The following CSMD1 variants were observed in gnomAD, a reference collection of about 807,000 sequenced individuals.
CSMD1 encodes the protein CUB and sushi domain-containing protein 1.
CSMD1 carries 213 observed loss-of-function variants against 417.5 expected under a neutral mutation model. The observed-to-expected ratio is 0.51, with a 90% CI of 0.46 to 0.57. The LOEUF is 0.57. Ranked by LOEUF, CSMD1 falls within the 20% of genes least tolerant of loss-of-function variation. The pLI is 0.00. For missense variants in CSMD1, 6,923 were observed against 4,529.7 expected (o/e 1.53, Z -15.17); for synonymous variants, 2,862 against 1,736.8 (o/e 1.65, Z -16.11).
At chr8:3,184,313 T>G (rs1821613574) in intron 36 of CSMD1, among the ~76,000 whole-genome samples, 1 of 152,202 alleles carries the variant, frequency 6.6e-6, no homozygotes, top group Admixed American at 6.5e-5. Flanking sequence ...GATAAACTAC[T>G]AACTCATTTT....
chr8:3,409,484 C>T lies in CSMD1; in HGVS notation c.1683G>A (p.Gly561=). 2 of 1,611,636 alleles carry T rather than the reference C, an allele frequency of 1.2e-6. No homozygotes were observed. Among genetic ancestry groups the T allele is most frequent in the South Asian group, 1.1e-5 (1 of 90,296 alleles). ...TCTGCTGACAGGTGATAACTCTCTC[C>T]CCCACCAGCTCAAAGGCCGCCGGGC... ...FECPAAFELV[G]ERVITCQQNN... The change falls in exon 13 of 70, where the codon GGG becomes GGA. Residue 561 remains glycine (G), a synonymous_variant. Transcript: ENST00000635120.
chr8:4,031,782 T>C (rs1290879958), intron 4 of CSMD1, 123 bp downstream of exon 4: 6 of 663,636 alleles, frequency 9.0e-6, no homozygotes, highest in Non-Finnish European at 1.4e-5. Flanking sequence ...CAGAATGAGC[T>C]GACATTGTAA....
At position 4,434,580 on chromosome 8, in the gene CSMD1, C is replaced by T. The variant is rs1798047211; in HGVS notation, c.303-14515G>A. On this transcript the variant is annotated intron_variant, in intron 2 of 69. Coordinates refer to ENST00000635120, the MANE Select transcript of CSMD1 (RefSeq NM_033225.6). The stretch of plus-strand genomic sequence containing the variant: ...AAACACAATAGAGGAGGAGGAAGTT[C>T]ATGTTACAGTCAATGAAGCTAATCC... 2.0e-5 allele frequency among the ~76,000 whole-genome samples: 3 copies of T among 152,298 alleles called. No homozygotes were observed. In the South Asian group the frequency reaches 6.2e-4, roughly 32 times the overall value.
intron 11 of CSMD1, among the ~76,000 whole-genome samples, chr8:3,491,788 AC>A (rs1818394482): frequency 6.6e-6 from 1 of 152,212 alleles, no homozygotes. Context: ...ATGGGATGCT[AC>A]CCGGGGCAAG....
intron 3 of CSMD1, among the ~76,000 whole-genome samples, chr8:4,262,713 C>G (rs1803972739): frequency 6.6e-6 from 1 of 152,136 alleles, no homozygotes; most frequent in South Asian, 2.1e-4. Flanking sequence ...ACTCAGGTCC[C>G]AAAATCCACT....
intron 3 of CSMD1, among the ~76,000 whole-genome samples, chr8:4,216,520 G>A (rs941521909): frequency 4.6e-5 from 7 of 152,158 alleles, no homozygotes; most frequent in South Asian, 4.2e-4. Context: ...GTACCCCCAC[G>A]GGACTAAGAA....
In CSMD1 at chr8:3,654,127, C is replaced by T. The variant is rs915852560; in HGVS notation, c.1010-37330G>A. 8.5e-5 allele frequency among the ~76,000 whole-genome samples: 13 copies of T among 152,212 alleles called. No individual in the cohort carries two copies. The East Asian group carries it at 2.5e-3, about 29-fold the overall frequency. ...TGTTGTCAGGAAACAGTGTAACCACCCCTCATCTTCACAGGACACCCTGTG... is the reference window on the plus strand; with the variant it reads ...TGTTGTCAGGAAACAGTGTAACCACTCCTCATCTTCACAGGACACCCTGTG... On this transcript the variant is annotated intron_variant, in intron 7 of 69. Coordinates refer to ENST00000635120, the MANE Select transcript of CSMD1 (RefSeq NM_033225.6).
At chr8:4,950,401 A>G (rs1355703340) in intron 1 of CSMD1, among the ~76,000 whole-genome samples, 1 of 152,190 alleles carries the variant, frequency 6.6e-6, no homozygotes, top group Non-Finnish European at 1.5e-5. Flanking sequence ...GTTACCCACA[A>G]ACAAGCGTTT....
intron 3 of CSMD1, among the ~76,000 whole-genome samples, chr8:4,182,288 G>T (rs1798423660): frequency 6.6e-6 from 1 of 151,968 alleles, no homozygotes. Flanking sequence ...TTTAAAAGAG[G>T]GTAAAGTTCT....
At chr8:4,189,979 C>T (rs1311955331) in intron 3 of CSMD1, among the ~76,000 whole-genome samples, 1 of 151,550 alleles carries the variant, frequency 6.6e-6, no homozygotes, top group Non-Finnish European at 1.5e-5. Context: ...CAGAGACTCG[C>T]CAGGTGTGGT....
chr8:3,705,145 C>G (rs1379370877), intron 7 of CSMD1, among the ~76,000 whole-genome samples: 1 of 152,170 alleles, frequency 6.6e-6, no homozygotes, highest in African/African-American at 2.4e-5. Context: ...GGGGACACCA[C>G]CAGGGACAGG....
At chr8:4,313,435 A>G (rs1798742421) in intron 3 of CSMD1, among the ~76,000 whole-genome samples, 1 of 150,578 alleles carries the variant, frequency 6.6e-6, no homozygotes, top group African/African-American at 2.4e-5. Flanking sequence ...CCCCTGTGAC[A>G]TTTAATTCTC....
intron 2 of CSMD1, among the ~76,000 whole-genome samples, chr8:4,447,546 A>G (rs1398446161): frequency 6.6e-6 from 1 of 152,214 alleles, no homozygotes; most frequent in Non-Finnish European, 1.5e-5. Flanking sequence ...CTCTACAGAT[A>G]ACAGAGTAAC....
At chr8:3,392,216 C>G (rs914310614) in intron 17 of CSMD1, among the ~76,000 whole-genome samples, 5 of 151,800 alleles carry the variant, frequency 3.3e-5, no homozygotes, top group African/African-American at 1.2e-4. Context: ...TGTAACTAAC[C>G]TGCACGTTGT....
At chr8:4,366,131 C>G (rs953370506) in intron 3 of CSMD1, among the ~76,000 whole-genome samples, 2 of 152,142 alleles carry the variant, frequency 1.3e-5, no homozygotes, top group African/African-American at 4.8e-5. Context: ...TACTTTGTGT[C>G]ACTGTCTTCA....
chr8:3,836,958 A>T (rs751610490), intron 5 of CSMD1, among the ~76,000 whole-genome samples: 1 of 152,054 alleles, frequency 6.6e-6, no homozygotes, highest in Admixed American at 6.6e-5. Context: ...AAAAATAAAA[A>T]GTTTTATAAA....
chr8:3,683,418 G>A (rs1799771404), intron 7 of CSMD1, among the ~76,000 whole-genome samples: 1 of 151,924 alleles, frequency 6.6e-6, no homozygotes, highest in Non-Finnish European at 1.5e-5. Flanking sequence ...ACAGGCAATG[G>A]TTTGAAACTA....
At chr8:3,359,916 AAATGAGAT>A (rs1229219934) in intron 20 of CSMD1, among the ~76,000 whole-genome samples, 1 of 152,234 alleles carries the variant, frequency 6.6e-6, no homozygotes, top group Non-Finnish European at 1.5e-5. Flanking sequence ...TAGCATATTA[AAATGAGAT>A]AATTCACTTC....
intron 54 of CSMD1, among the ~76,000 whole-genome samples, chr8:2,994,868 A>T (rs1209519442): frequency 6.6e-6 from 1 of 152,212 alleles, no homozygotes; most frequent in Non-Finnish European, 1.5e-5. Context: ...ATAGGTTAAA[A>T]AAAGAATAGT....
Sources: gnomAD v4.1 joint callset for allele counts (sites outside exome capture counted in the v4.1 genomes callset) on GRCh38, gnomAD v4.1.1 for gene constraint, MANE v1.5 for transcripts, NCBI Gene and HGNC (gene_info 2026-07-23, HGNC 2026-07-21) for gene names.